Variants in SHISA9 observed in about 807,000 individuals in gnomAD.
SHISA9 encodes protein shisa-9.
Under a neutral mutation model 38.0 loss-of-function variants are expected in SHISA9, and 13 were observed. The ratio of observed to expected loss-of-function variants is 0.34; its 90% confidence interval spans 0.22 to 0.54. The LOEUF (loss-of-function observed/expected upper bound fraction) is 0.54. Among genes scored for constraint, SHISA9 ranks in the 20% least tolerant of loss-of-function variants. The pLI, the probability that SHISA9 is intolerant of heterozygous loss-of-function variation, is 0.91. For missense variants in SHISA9, 538 were observed against 575.8 expected, an observed-to-expected ratio of 0.93 and a Z score of 0.67; for synonymous variants, 275 against 242.0, an observed-to-expected ratio of 1.14 and a Z score of -1.27.
At chr16:13,278,306 G>C in the SHISA9 span, among the ~76,000 whole-genome samples, 1 of 151,966 alleles carries the variant, frequency 6.6e-6, no homozygotes, top group African/African-American at 2.4e-5. Flanking sequence ...TATGTTGTTG[G>C]ATTCAGTTAG....
chr16:13,171,002 G>T (rs2050681082), intron 2 of SHISA9, among the ~76,000 whole-genome samples: 1 of 152,270 alleles, frequency 6.6e-6, no homozygotes. Flanking sequence ...AAAGAAAAGA[G>T]ATTTATTTGA....
At chr16:12,959,184 A>G (rs921085571) in intron 2 of SHISA9, among the ~76,000 whole-genome samples, 21 of 152,336 alleles carry the variant, frequency 1.4e-4, no homozygotes, top group Admixed American at 9.8e-4. Context: ...CTGGTTAATC[A>G]TAGATGCTCC....
chr16:13,173,667 G>A (rs1596701898), intron 2 of SHISA9, among the ~76,000 whole-genome samples: 1 of 152,268 alleles, frequency 6.6e-6, no homozygotes, highest in Admixed American at 6.5e-5. Context: ...GAAATGCACA[G>A]GACAGTCCCT....
the SHISA9 span, among the ~76,000 whole-genome samples, chr16:13,444,122 G>A: frequency 2.0e-5 from 3 of 152,152 alleles, no homozygotes; most frequent in Admixed American, 6.5e-5. Flanking sequence ...TGTCATCCAA[G>A]CACTTTGGGA....
intron 2 of SHISA9, among the ~76,000 whole-genome samples, chr16:13,100,345 C>T (rs2073866667): frequency 6.6e-6 from 1 of 152,064 alleles, no homozygotes; most frequent in South Asian, 2.1e-4. Context: ...CAATTGGGAC[C>T]TGGCATTAGA....
chr16:13,367,741 CACACA>C, the SHISA9 span, among the ~76,000 whole-genome samples: 6 of 148,938 alleles, frequency 4.0e-5, no homozygotes, highest in African/African-American at 1.5e-4. Flanking sequence ...CACACACACA[CACACA>C]CACCCCTGAA....
chr16:13,176,139 C>G (rs1446018100), intron 2 of SHISA9, among the ~76,000 whole-genome samples: 1 of 152,000 alleles, frequency 6.6e-6, no homozygotes, highest in Non-Finnish European at 1.5e-5. Context: ...TTAAAAACCT[C>G]TATTAGTTGA....
chr16:13,109,781 T>C (rs998368382), intron 2 of SHISA9, among the ~76,000 whole-genome samples: 4 of 152,228 alleles, frequency 2.6e-5, no homozygotes, highest in African/African-American at 4.8e-5. Context: ...TGATCTTCTA[T>C]GTCTGGCTTC....
At chr16:13,423,633 C>A in the SHISA9 span, among the ~76,000 whole-genome samples, 1 of 152,120 alleles carries the variant, frequency 6.6e-6, no homozygotes, top group Non-Finnish European at 1.5e-5. Flanking sequence ...ATAACAACAC[C>A]CACTCACAGT....
chr16:13,393,176 C>A, the SHISA9 span, among the ~76,000 whole-genome samples: 1 of 152,204 alleles, frequency 6.6e-6, no homozygotes, highest in African/African-American at 2.4e-5. Context: ...CCCTCGTGCT[C>A]ACTGTATCCA....
At chr16:13,458,642 T>C in the SHISA9 span, 2 of 337,666 alleles carry the variant, frequency 5.9e-6, no homozygotes, top group African/African-American at 2.3e-5. Context: ...ATTATGCAGA[T>C]GTATGGAGAA....
the SHISA9 span, among the ~76,000 whole-genome samples, chr16:13,371,066 A>T: frequency 1.3e-5 from 2 of 152,192 alleles, no homozygotes; most frequent in Non-Finnish European, 2.9e-5. Context: ...CACTAAGTGA[A>T]TTAACACCAT....
At chr16:13,178,252 A>G in intron 2 of SHISA9, among the ~76,000 whole-genome samples, 1 of 152,000 alleles carries the variant, frequency 6.6e-6, no homozygotes, top group Non-Finnish European at 1.5e-5. Context: ...GAAGTAATCT[A>G]GAATTCTAGA....
At chr16:13,068,133 C>G (rs1406654009) in intron 2 of SHISA9, among the ~76,000 whole-genome samples, 2 of 152,104 alleles carry the variant, frequency 1.3e-5, no homozygotes, top group African/African-American at 4.8e-5. Flanking sequence ...GTTCTGGGTC[C>G]TAGGACAACC....
chr16:13,354,395 T>C, the SHISA9 span, among the ~76,000 whole-genome samples: 1 of 146,986 alleles, frequency 6.8e-6, no homozygotes, highest in East Asian at 2.0e-4. Context: ...GAATGTCAGG[T>C]GGATCAGAGA....
the SHISA9 span, among the ~76,000 whole-genome samples, chr16:13,322,140 A>G: frequency 6.6e-6 from 1 of 152,240 alleles, no homozygotes; most frequent in Non-Finnish European, 1.5e-5. Context: ...TCTCTATTTT[A>G]CAAATACAGA....
chr16:12,958,073 T>A (rs983320947), intron 2 of SHISA9, among the ~76,000 whole-genome samples: 24 of 152,228 alleles, frequency 1.6e-4, no homozygotes, highest in Non-Finnish European at 2.6e-4. Context: ...TTTAATTGGT[T>A]GAAGCAGAGG....
the SHISA9 span, among the ~76,000 whole-genome samples, chr16:13,297,518 G>A: frequency 6.6e-6 from 1 of 152,164 alleles, no homozygotes; most frequent in Non-Finnish European, 1.5e-5. Flanking sequence ...CTCTAAAGTG[G>A]AAGATACCTG....
chr16:12,952,690 A>T (rs919563292), intron 2 of SHISA9, among the ~76,000 whole-genome samples: 3 of 151,280 alleles, frequency 2.0e-5, no homozygotes, highest in African/African-American at 4.9e-5. Context: ...TTCCTCCTTC[A>T]CTCTTTCTCC....
Sources: gnomAD v4.1 joint callset for allele counts (sites outside exome capture counted in the v4.1 genomes callset) on GRCh38, gnomAD v4.1.1 for gene constraint, MANE v1.5 for transcripts, NCBI Gene and HGNC (gene_info 2026-07-23, HGNC 2026-07-21) for gene names.